GABRA4: variants seen among roughly 807,000 people sequenced by gnomAD.
GABRA4 encodes the protein gamma-aminobutyric acid receptor subunit alpha-4.
GABRA4 carries 12 observed loss-of-function variants against 49.7 expected under a neutral mutation model. That is an observed-to-expected ratio of 0.24 (90% CI 0.15 to 0.39). The LOEUF (loss-of-function observed/expected upper bound fraction) is 0.39. Ranked by LOEUF, GABRA4 falls within the 10% of genes least tolerant of loss-of-function variation. The probability of loss-of-function intolerance (pLI) is 1.00; values close to 1 mark genes in which losing one functional copy is unlikely to be tolerated. For missense variants in GABRA4, 506 were observed against 686.0 expected (o/e 0.74, Z 2.93); for synonymous variants, 288 against 240.2 (o/e 1.20, Z -1.84).
At chr4:46,964,903 T>G in intron 8 of GABRA4, 67 bp downstream of exon 8, 1 of 1,476,764 alleles carries the variant, frequency 6.8e-7, no homozygotes, top group Non-Finnish European at 9.1e-7. Context: ...CTCAGTTTGT[T>G]TCCCTGACAA....
intron 8 of GABRA4, among the ~76,000 whole-genome samples, chr4:46,956,327 G>T (rs1722359695): frequency 6.6e-6 from 1 of 151,958 alleles, no homozygotes; most frequent in Non-Finnish European, 1.5e-5. Context: ...AAAAATGAAA[G>T]AAATAAGGAC....
intron 2 of GABRA4, among the ~76,000 whole-genome samples, chr4:46,989,600 G>T (rs931966680): frequency 6.6e-5 from 10 of 152,178 alleles, no homozygotes. Flanking sequence ...CGCAAGCTGT[G>T]CTGCTGAGTT....
rs1721255032 is a variant in GABRA4, at chr4:46,927,036, C to T, written c.*1189G>A. ...GCATTTCACTAGCTAATATCTAGAT[C>T]TATCTTGGGGAAAGCACCTGAAAAA... On this transcript the variant is annotated 3_prime_UTR_variant, in exon 9 of 9. Coordinates refer to ENST00000264318, the MANE Select transcript of GABRA4 (RefSeq NM_000809.4). The T allele has an allele frequency of 6.6e-6, 1 of 151,944 alleles. No individual in the cohort carries two copies. The highest frequency in any genetic ancestry group is 1.5e-5 in the Non-Finnish European group (1 of 67,910). The allele number at this position is 151,944 out of a possible 1,614,324, so 9.4% of individuals were successfully genotyped here.
intron 2 of GABRA4, among the ~76,000 whole-genome samples, chr4:46,981,922 CG>C (rs2109399868): frequency 6.6e-6 from 1 of 151,978 alleles, no homozygotes; most frequent in African/African-American, 2.4e-5. Context: ...GATCAAAGAC[CG>C]GAAAAGGGCT....
At chr4:46,951,117 C>T (rs1722158956) in intron 8 of GABRA4, among the ~76,000 whole-genome samples, 1 of 151,906 alleles carries the variant, frequency 6.6e-6, no homozygotes, top group African/African-American at 2.4e-5. Flanking sequence ...TGGGTGAGTT[C>T]CAAAGAAATT....
At chr4:46,953,351 A>G (rs1218417855) in intron 8 of GABRA4, among the ~76,000 whole-genome samples, 1 of 152,084 alleles carries the variant, frequency 6.6e-6, no homozygotes, top group Non-Finnish European at 1.5e-5. Context: ...TTATATCACT[A>G]TACTCTGTCT....
chr4:46,955,211 C>T (rs1342578487), intron 8 of GABRA4, among the ~76,000 whole-genome samples: 1 of 152,084 alleles, frequency 6.6e-6, no homozygotes, highest in Non-Finnish European at 1.5e-5. Flanking sequence ...AACACACATA[C>T]ACACCCTACC....
chr4:46,987,675 T>A (rs978143070), intron 2 of GABRA4, among the ~76,000 whole-genome samples: 3 of 152,144 alleles, frequency 2.0e-5, no homozygotes, highest in Non-Finnish European at 2.9e-5. Context: ...TCAACTTACA[T>A]ATATCCATCT....
intron 8 of GABRA4, among the ~76,000 whole-genome samples, chr4:46,958,356 A>G (rs1722438723): frequency 6.6e-6 from 1 of 151,996 alleles, no homozygotes; most frequent in Admixed American, 6.6e-5. Context: ...TTCATAAGAT[A>G]CAGTGTGCAT....
chr4:46,977,461 G>A lies in GABRA4; in HGVS notation c.443C>T (p.Pro148Leu). The change falls in exon 4 of 9, where the codon CCA becomes CTA. Residue 148 changes from proline (P) to leucine (L), a missense_variant. Physicochemically the swap from Pro to Leu is moderately conservative, Grantham distance 98. Around this residue, in one of 5 missense-constraint regions of GABRA4, gnomAD observed 195 missense variants for 326.0 expected, o/e 0.60. Transcript: ENST00000264318. ...TCTCATAATTCTAAAAAGCTTATTT[G>A]GAGCTGTCATATTATGTGAGACAGA... is the stretch of plus-strand genomic sequence containing the variant. ...KKSVSHNMTA[P>L]NKLFRIMRNG... 1 of 1,609,224 alleles carries A rather than the reference G, an allele frequency of 6.2e-7. No homozygotes were observed.
At chr4:46,948,086 T>C (rs188015726) in intron 8 of GABRA4, among the ~76,000 whole-genome samples, 1 of 152,246 alleles carries the variant, frequency 6.6e-6, no homozygotes, top group African/African-American at 2.4e-5. Context: ...GCATTCTTTT[T>C]ATTTTACTTT....
chr4:46,958,519 T>C (rs1722443925), intron 8 of GABRA4, among the ~76,000 whole-genome samples: 1 of 151,874 alleles, frequency 6.6e-6, no homozygotes, highest in African/African-American at 2.4e-5. Context: ...CCTGCATCCA[T>C]GAGAGAGTAG....
intron 8 of GABRA4, 23 bp from the exon 9 acceptor site, chr4:46,928,778 A>G (rs371098583): frequency 2.5e-5 from 38 of 1,507,974 alleles, no homozygotes; most frequent in African/African-American, 8.3e-5. Context: ...ATGAAAAAAT[A>G]TATTGGTTAT....
intron 6 of GABRA4, among the ~76,000 whole-genome samples, chr4:46,972,934 T>G (rs1183368256): frequency 1.3e-5 from 2 of 151,760 alleles, no homozygotes; most frequent in Admixed American, 1.3e-4. Context: ...CATTTTCTAC[T>G]AATGCAGTCT....
At chr4:46,939,039 G>T (rs1721703721) in intron 8 of GABRA4, among the ~76,000 whole-genome samples, 1 of 152,016 alleles carries the variant, frequency 6.6e-6, no homozygotes, top group South Asian at 2.1e-4. Context: ...CTTAAGCTGA[G>T]ATATTAGCAA....
intron 8 of GABRA4, among the ~76,000 whole-genome samples, chr4:46,961,481 A>G (rs1722571339): frequency 6.6e-6 from 1 of 151,822 alleles, no homozygotes; most frequent in South Asian, 2.1e-4. Context: ...CACACAAGTA[A>G]ATGTAAGCTC....
intron 2 of GABRA4, among the ~76,000 whole-genome samples, chr4:46,981,647 T>C (rs1170328078): frequency 6.6e-6 from 1 of 152,092 alleles, no homozygotes; most frequent in Non-Finnish European, 1.5e-5. Context: ...AGGAATTCCC[T>C]GACTCAAAGA....
chr4:46,925,925 G>A lies in GABRA4; in HGVS notation c.*2300C>T, dbSNP rs1241348076. 1 of 151,034 alleles carries A rather than the reference G, an allele frequency of 6.6e-6. No individual in the cohort carries two copies. The highest frequency in any genetic ancestry group is 2.4e-5 in the African/African-American group (1 of 41,190). 9.4% of individuals were successfully genotyped at this position (151,034 alleles called of 1,614,324 possible). The stretch of plus-strand genomic sequence containing the variant: ...TATTTTTAAACCTTCATATGTAAAG[G>A]TAAGAAAAAAAATCATTTCTTTTTA... On this transcript the variant is annotated 3_prime_UTR_variant, in exon 9 of 9. Transcript: ENST00000264318.
Position 46,972,329 on chromosome 4 carries a change from A to T in GABRA4, c.722-1094T>A, listed in dbSNP as rs371547719. ...GTGACTTATACAAAGCAGTTTTAAT[A>T]GAAGAGACAGTGGGCTAAATTCCTT... is the stretch of plus-strand genomic sequence containing the variant. On this transcript the variant is annotated intron_variant, in intron 6 of 8. Coordinates refer to ENST00000264318, the MANE Select transcript of GABRA4 (RefSeq NM_000809.4). Among the ~76,000 whole-genome samples, 26 of 151,842 alleles carry T rather than the reference A, an allele frequency of 1.7e-4. No homozygotes were observed. In the East Asian group the frequency reaches 2.9e-3, roughly 17 times the overall value.
Sources: gnomAD v4.1 joint callset for allele counts (sites outside exome capture counted in the v4.1 genomes callset) on GRCh38, gnomAD v4.1.1 for gene constraint, gnomAD v4.1.1 regional missense constraint, MANE v1.5 for transcripts, NCBI Gene and HGNC (gene_info 2026-07-23, HGNC 2026-07-21) for gene names.